The following MGAT4C variants were observed in gnomAD, a reference collection of about 807,000 sequenced individuals.
The protein encoded by MGAT4C is MGAT4 family member C.
In MGAT4C, 19 loss-of-function variants were observed where a neutral mutation model predicts 40.1. The ratio of observed to expected loss-of-function variants is 0.47; its 90% confidence interval spans 0.33 to 0.70. The LOEUF (loss-of-function observed/expected upper bound fraction) is 0.70. MGAT4C is among the 30% of genes least tolerant of loss of function. MGAT4C has a pLI of 0.02. For missense variants in MGAT4C, 491 were observed against 563.2 expected, an observed-to-expected ratio of 0.87 and a Z score of 1.30; for synonymous variants, 181 against 187.1, an observed-to-expected ratio of 0.97 and a Z score of 0.27.
At chr12:86,598,689 T>C (rs1354980820) in intron 2 of MGAT4C, among the ~76,000 whole-genome samples, 1 of 152,142 alleles carries the variant, frequency 6.6e-6, no homozygotes, top group African/African-American at 2.4e-5. Context: ...CTCTCTAAAC[T>C]ACCCTAAAAG....
At chr12:86,222,283 T>G (rs1950910923) in intron 1 of MGAT4C, among the ~76,000 whole-genome samples, 1 of 152,204 alleles carries the variant, frequency 6.6e-6, no homozygotes, top group African/African-American at 2.4e-5. Flanking sequence ...TGTCTCTTTG[T>G]GCAGATAGGA....
intron 1 of MGAT4C, among the ~76,000 whole-genome samples, chr12:86,217,653 A>G (rs570837640): frequency 5.3e-5 from 8 of 152,182 alleles, no homozygotes; most frequent in Non-Finnish European, 1.2e-4. Context: ...TACTAGAGTT[A>G]AGAATTTTAA....
chr12:86,755,314 C>A (rs1009043361), intron 1 of MGAT4C, among the ~76,000 whole-genome samples: 1 of 152,134 alleles, frequency 6.6e-6, no homozygotes, highest in Non-Finnish European at 1.5e-5. Context: ...CACCTCCTTA[C>A]AATAAATATT....
At chr12:86,743,899 C>T (rs1476148385) in intron 1 of MGAT4C, among the ~76,000 whole-genome samples, 5 of 151,346 alleles carry the variant, frequency 3.3e-5, no homozygotes, top group South Asian at 2.1e-4. Flanking sequence ...GTAGTATGAA[C>T]GTTGGTATCA....
chr12:86,373,239 C>G (rs180977617), intron 3 of MGAT4C, among the ~76,000 whole-genome samples: 1 of 152,010 alleles, frequency 6.6e-6, no homozygotes, highest in African/African-American at 2.4e-5. Context: ...TGTTTGATTA[C>G]AAATGCTATT....
chr12:86,536,865 T>C (rs1355408500), intron 2 of MGAT4C, among the ~76,000 whole-genome samples: 7 of 152,250 alleles, frequency 4.6e-5, no homozygotes, highest in African/African-American at 1.7e-4. Flanking sequence ...ATCCCATTAC[T>C]GGGTATATAC....
intron 3 of MGAT4C, among the ~76,000 whole-genome samples, chr12:86,366,155 T>C (rs926629246): frequency 2.6e-5 from 4 of 152,212 alleles, no homozygotes; most frequent in Non-Finnish European, 4.4e-5. Flanking sequence ...CGTGTGGCTA[T>C]TGTAAATGGG....
chr12:86,111,473 T>C (rs1877398161), intron 1 of MGAT4C, among the ~76,000 whole-genome samples: 1 of 151,854 alleles, frequency 6.6e-6, no homozygotes, highest in Non-Finnish European at 1.5e-5. Context: ...AGATTTCATT[T>C]CTCAGTTTTC....
intron 1 of MGAT4C, among the ~76,000 whole-genome samples, chr12:86,182,938 T>C (rs1888289742): frequency 1.3e-5 from 2 of 152,162 alleles, no homozygotes; most frequent in Non-Finnish European, 2.9e-5. Flanking sequence ...TATATATCTA[T>C]ACATTAGAAT....
chr12:86,179,363 T>C (rs1887861608), intron 1 of MGAT4C, among the ~76,000 whole-genome samples: 1 of 152,142 alleles, frequency 6.6e-6, no homozygotes. Flanking sequence ...AACAAACTAA[T>C]ACAGTAAGTT....
In MGAT4C at chr12:86,462,882, A is replaced by G. The variant is rs555151807; in HGVS notation, c.-228-27617T>C. Among the ~76,000 whole-genome samples, 15 of 152,282 alleles carry G rather than the reference A, an allele frequency of 9.9e-5. No individual in the cohort carries two copies. In the South Asian group the frequency reaches 2.9e-3, roughly 29 times the overall value. ...TTACACGGTGTCCACCCATGTTGAC[A>G]GTGGGTCTGTCTCTCCCAGTCCATT... On this transcript the variant is annotated intron_variant, in intron 2 of 7. Transcript: ENST00000548651.
rs539682745 is a variant in MGAT4C, at chr12:86,233,611, C to T, written c.-57+22628G>A. Among the ~76,000 whole-genome samples the T allele has an allele frequency of 6.6e-5, 10 of 152,194 alleles. No individual in the cohort carries two copies. In the South Asian group the frequency reaches 2.1e-3, roughly 32 times the overall value. ...TACAAAGTGGGGTGAATTAAGCATG[C>T]TTGTTAATAGCAAAGCAGAGGAACA... On this transcript the variant is annotated intron_variant, in intron 1 of 4. Transcript: ENST00000611864.
At chr12:86,045,742 T>A (rs1277380471) in intron 2 of MGAT4C, among the ~76,000 whole-genome samples, 4 of 152,204 alleles carry the variant, frequency 2.6e-5, no homozygotes, top group African/African-American at 9.6e-5. Context: ...TTTTGTTTAT[T>A]TCTTGTCTCC....
At chr12:86,369,431 T>G (rs1346082627) in intron 3 of MGAT4C, among the ~76,000 whole-genome samples, 1 of 151,932 alleles carries the variant, frequency 6.6e-6, no homozygotes, top group Admixed American at 6.6e-5. Context: ...TGTCTTCTTT[T>G]GTGTTTTGAT....
chr12:86,338,973 A>AC (rs1566300891), intron 3 of MGAT4C, among the ~76,000 whole-genome samples: 1 of 151,064 alleles, frequency 6.6e-6, no homozygotes, highest in Non-Finnish European at 1.5e-5. Context: ...AAAAAAAAAA[A>AC]AAAAAAAAAC....
chr12:86,191,133 A>ACACC (rs1236034201), intron 1 of MGAT4C, among the ~76,000 whole-genome samples: 4 of 123,530 alleles, frequency 3.2e-5, no homozygotes, highest in Non-Finnish European at 3.4e-5. Context: ...ACACACACAC[A>ACACC]CCCCTATAGG....
intron 1 of MGAT4C, among the ~76,000 whole-genome samples, chr12:86,803,612 A>G (rs1166162583): frequency 2.0e-5 from 3 of 149,910 alleles, no homozygotes; most frequent in African/African-American, 2.4e-5. Context: ...GAAGGACATG[A>G]ACAGACACTT....
At chr12:86,246,768 T>C (rs879551264) in intron 1 of MGAT4C, among the ~76,000 whole-genome samples, 9 of 152,226 alleles carry the variant, frequency 5.9e-5, no homozygotes, top group Non-Finnish European at 1.3e-4. Context: ...TCCTTTTCTG[T>C]TGTAAATTGC....
intron 1 of MGAT4C, among the ~76,000 whole-genome samples, chr12:86,205,284 T>C (rs1566142620): frequency 6.6e-6 from 1 of 151,142 alleles, no homozygotes; most frequent in Non-Finnish European, 1.5e-5. Context: ...CATATATGCA[T>C]TGAAAAATTA....
Sources: gnomAD v4.1 joint callset for allele counts (sites outside exome capture counted in the v4.1 genomes callset) on GRCh38, gnomAD v4.1.1 for gene constraint, MANE v1.5 for transcripts, NCBI Gene and HGNC (gene_info 2026-07-23, HGNC 2026-07-21) for gene names.